The following GRM5 variants were observed in gnomAD, a reference collection of about 807,000 sequenced individuals.
GRM5 encodes metabotropic glutamate receptor 5.
GRM5 carries 19 observed loss-of-function variants against 83.1 expected under a neutral mutation model. That is an observed-to-expected ratio of 0.23 (90% CI 0.16 to 0.34). GRM5 has a LOEUF of 0.34. Ranked by LOEUF, GRM5 falls within the 10% of genes least tolerant of loss-of-function variation. The pLI is 1.00. For missense variants in GRM5, 1,160 were observed against 1,588.3 expected (o/e 0.73, Z 4.58); for synonymous variants, 675 against 633.6 (o/e 1.07, Z -0.98).
rs1458450804 is a variant in GRM5 at position 88,567,436 on chromosome 11, C to T, written c.2247G>A (p.Leu749=). ...GVVTPLGYNG[L]LILSCTFYAF... Reference sequence around the variant, plus strand: ...CATAGAAGGTGCAGCTCAAAATCAACAATCCATTGTATCCAAGTGGAGTGA... The same window carrying T: ...CATAGAAGGTGCAGCTCAAAATCAATAATCCATTGTATCCAAGTGGAGTGA... The change falls in exon 8 of 10, where the codon TTG becomes TTA. Residue 749 remains leucine, a synonymous_variant. Transcript: ENST00000305447. This position sits in a 1 kb window ranked among gnomAD's most constrained non-coding sequence, Gnocchi z 7.3. 4 of 1,614,128 alleles carry T rather than the reference C, an allele frequency of 2.5e-6. No individual in the cohort carries two copies. The highest frequency in any genetic ancestry group is 2.2e-5 in the East Asian group (1 of 44,886).
At chr11:88,889,950 C>A (rs1348749924) in intron 2 of GRM5, among the ~76,000 whole-genome samples, 1 of 152,166 alleles carries the variant, frequency 6.6e-6, no homozygotes, top group Non-Finnish European at 1.5e-5. Context: ...TTCAGTTTTG[C>A]TTTGTGTGTT....
At chr11:88,942,847 A>T (rs561518888) in intron 2 of GRM5, among the ~76,000 whole-genome samples, 2 of 152,162 alleles carry the variant, frequency 1.3e-5, no homozygotes, top group Admixed American at 1.3e-4. Flanking sequence ...ATATGTTTTA[A>T]CATCATTGTT....
At chr11:88,988,106 CT>C (rs1180975849) in intron 2 of GRM5, among the ~76,000 whole-genome samples, 2 of 148,298 alleles carry the variant, frequency 1.3e-5, no homozygotes, top group East Asian at 2.0e-4. Context: ...AAGTTGAAAA[CT>C]TTGAAAAAAA....
In GRM5 at chr11:89,026,757, T is replaced by A. The variant is rs1285160812; in HGVS notation, c.661+20455A>T. On this transcript the variant is annotated intron_variant, in intron 2 of 9. Coordinates refer to ENST00000305447, the MANE Select transcript of GRM5 (RefSeq NM_001143831.3). ...AAAGGAATACATTAATCACTCTTTC[T>A]TTACCTTTAAATGGAATACTTTTAA... Among the ~76,000 whole-genome samples the A allele has an allele frequency of 2.6e-5, 4 of 152,188 alleles. No homozygotes were observed. In the East Asian group the frequency reaches 7.7e-4, roughly 29 times the overall value.
intron 2 of GRM5, among the ~76,000 whole-genome samples, chr11:88,977,427 G>T (rs1939377995): frequency 6.6e-6 from 1 of 151,978 alleles, no homozygotes; most frequent in African/African-American, 2.4e-5. Context: ...TAGCCAGGAT[G>T]GTCTCGATCT....
At chr11:88,683,372 G>T (rs1940543420) in intron 3 of GRM5, among the ~76,000 whole-genome samples, 1 of 152,160 alleles carries the variant, frequency 6.6e-6, no homozygotes, top group Non-Finnish European at 1.5e-5. Context: ...CTGCCTAGTG[G>T]TACATCATGT....
chr11:89,015,987 G>A (rs937859206), intron 2 of GRM5, among the ~76,000 whole-genome samples: 18 of 151,942 alleles, frequency 1.2e-4, no homozygotes, highest in African/African-American at 4.1e-4. Context: ...GATCAAATGT[G>A]GTTTTTAGTA....
intron 3 of GRM5, among the ~76,000 whole-genome samples, chr11:88,838,912 C>A (rs1944142735): frequency 6.7e-6 from 1 of 148,326 alleles, no homozygotes; most frequent in African/African-American, 2.5e-5. Flanking sequence ...CACATACACA[C>A]ACAAACTTCC....
At chr11:88,629,270 G>A (rs139224614) in intron 4 of GRM5, among the ~76,000 whole-genome samples, 97 of 152,206 alleles carry the variant, frequency 6.4e-4, no homozygotes, top group Non-Finnish European at 9.0e-4. Context: ...GAATTCCATG[G>A]CAGGGCTATG....
At position 88,604,750 on chromosome 11, in the gene GRM5, G is replaced by T. The variant is rs779837218; in HGVS notation, c.1362C>A (p.Ile454=). Residue 454 remains isoleucine, a synonymous_variant, in exon 5 of 10, where the codon ATC becomes ATA. Transcript: ENST00000305447. ...TNFTGVSGDT[I]LFDENGDSPG... ...GAGAGTCTCCATTCTCATCGAATAG[G>T]ATCGTATCTCCAGAAACCCCAGTAA... 1.2e-6 allele frequency: 2 copies of T among 1,611,708 alleles called. No individual in the cohort carries two copies. The highest frequency in any genetic ancestry group is 2.2e-5 in the South Asian group (2 of 91,024).
intron 1 of GRM5, among the ~76,000 whole-genome samples, chr11:89,056,813 A>G (rs1941885875): frequency 6.6e-6 from 1 of 152,152 alleles, no homozygotes; most frequent in Admixed American, 6.6e-5. Context: ...TCAAGTACCT[A>G]TTTTCAGAAG....
At chr11:88,530,492 G>C (rs182775959) in intron 8 of GRM5, among the ~76,000 whole-genome samples, 203 of 152,038 alleles carry the variant, frequency 1.3e-3, no homozygotes, top group African/African-American at 4.8e-3. Context: ...GGAAGTTCTA[G>C]CTCTTCTGTA....
chr11:88,888,845 AC>A (rs924194525), intron 2 of GRM5, among the ~76,000 whole-genome samples: 1 of 152,110 alleles, frequency 6.6e-6, no homozygotes, highest in African/African-American at 2.4e-5. Flanking sequence ...CAGACCCAGG[AC>A]CCCCTAAGCC....
At chr11:89,038,131 T>C (rs538940442) in intron 2 of GRM5, among the ~76,000 whole-genome samples, 38 of 144,910 alleles carry the variant, frequency 2.6e-4, no homozygotes, top group Non-Finnish European at 3.0e-5. Context: ...GACTAGATAA[T>C]CTCTTTCTTT....
At chr11:88,644,649 G>A (rs980457208) in intron 4 of GRM5, among the ~76,000 whole-genome samples, 1 of 152,090 alleles carries the variant, frequency 6.6e-6, no homozygotes, top group African/African-American at 2.4e-5. Context: ...TTATCCCAAA[G>A]CAGTTTTGGG....
At chr11:88,850,762 C>T (rs1440146695) in intron 2 of GRM5, among the ~76,000 whole-genome samples, 1 of 151,822 alleles carries the variant, frequency 6.6e-6, no homozygotes, top group Non-Finnish European at 1.5e-5. Flanking sequence ...TTATGAAAAA[C>T]ATTTACAGTT....
At position 88,932,002 on chromosome 11, in the gene GRM5, C is replaced by G. The variant is rs370471683; in HGVS notation, c.662-81847G>C. On this transcript the variant is annotated intron_variant, in intron 2 of 9. Transcript: ENST00000305447. ...GCATCCATAAATAAAATAAACCTGA[C>G]TGTTTTTAAGATTGACCCGTCTCAT... 2.0e-4 allele frequency among the ~76,000 whole-genome samples: 30 copies of G among 152,178 alleles called. No homozygotes were observed. The East Asian group carries it at 5.0e-3, about 25-fold the overall frequency.
intron 4 of GRM5, among the ~76,000 whole-genome samples, chr11:88,623,330 A>T (rs2135259790): frequency 6.6e-6 from 1 of 152,150 alleles, no homozygotes; most frequent in Non-Finnish European, 1.5e-5. Context: ...AGTAGAGACT[A>T]TGTTGGACAG....
At chr11:89,025,155 T>C (rs1468490420) in intron 2 of GRM5, among the ~76,000 whole-genome samples, 2 of 152,224 alleles carry the variant, frequency 1.3e-5, no homozygotes, top group Admixed American at 6.5e-5. Context: ...AAAAAAATGT[T>C]ATGAACCATC....
Sources: gnomAD v4.1 joint callset for allele counts (sites outside exome capture counted in the v4.1 genomes callset) on GRCh38, gnomAD v4.1.1 for gene constraint, Gnocchi (gnomAD v3.1) non-coding constraint, MANE v1.5 for transcripts, NCBI Gene and HGNC (gene_info 2026-07-23, HGNC 2026-07-21) for gene names.